The following NELL1 variants were observed in gnomAD, a reference collection of about 807,000 sequenced individuals.
The protein encoded by NELL1 is protein kinase C-binding protein NELL1.
In NELL1, 76 loss-of-function variants were observed where a neutral mutation model predicts 107.4. That is an observed-to-expected ratio of 0.71 (90% CI 0.59 to 0.86). The LOEUF (loss-of-function observed/expected upper bound fraction) is 0.86, where lower values mean the gene tolerates loss of function less well. Among genes scored for constraint, NELL1 ranks in the 40% least tolerant of loss-of-function variants. The pLI is 0.00. For missense variants in NELL1, 1,024 were observed against 1,005.5 expected (o/e 1.02, Z -0.25); for synonymous variants, 353 against 341.2 (o/e 1.03, Z -0.38).
At chr11:20,799,776 A>G (rs1016039083) in intron 3 of NELL1, among the ~76,000 whole-genome samples, 14 of 152,176 alleles carry the variant, frequency 9.2e-5, no homozygotes, top group Non-Finnish European at 1.3e-4. Context: ...GATATGAATG[A>G]CTTTGGGATA....
chr11:21,163,927 C>T (rs75851395), intron 13 of NELL1, among the ~76,000 whole-genome samples: 1 of 152,012 alleles, frequency 6.6e-6, no homozygotes, highest in African/African-American at 2.4e-5. Context: ...GATGCAGTCT[C>T]TAACATTCAT....
chr11:20,768,758 G>A (rs1294803342), intron 2 of NELL1, among the ~76,000 whole-genome samples: 2 of 152,154 alleles, frequency 1.3e-5, no homozygotes, highest in Non-Finnish European at 2.9e-5. Flanking sequence ...AAGAAGACAC[G>A]ACCCAAGGGA....
chr11:21,131,484 CT>C (rs1590664992), intron 13 of NELL1, among the ~76,000 whole-genome samples: 2 of 152,298 alleles, frequency 1.3e-5, no homozygotes, highest in East Asian at 3.9e-4. Context: ...CAGTCATCAT[CT>C]GCAGCAGGAG....
intron 15 of NELL1, among the ~76,000 whole-genome samples, chr11:21,498,771 G>A (rs1285735166): frequency 6.6e-6 from 1 of 151,966 alleles, no homozygotes; most frequent in Admixed American, 6.6e-5. Flanking sequence ...TACCATTGTA[G>A]GAGAGTTGCT....
chr11:21,278,669 T>C (rs1296911212), intron 14 of NELL1, among the ~76,000 whole-genome samples: 1 of 152,186 alleles, frequency 6.6e-6, no homozygotes, highest in Admixed American at 6.5e-5. Context: ...TCCATGTTTA[T>C]GGATAGGAAG....
At chr11:21,163,351 T>C (rs949627384) in intron 13 of NELL1, among the ~76,000 whole-genome samples, 1 of 152,144 alleles carries the variant, frequency 6.6e-6, no homozygotes, top group South Asian at 2.1e-4. Context: ...GGGAAGATGA[T>C]CTAGAGACAG....
chr11:20,946,113 G>A (rs1191171766), intron 10 of NELL1, among the ~76,000 whole-genome samples: 1 of 152,146 alleles, frequency 6.6e-6, no homozygotes, highest in African/African-American at 2.4e-5. Context: ...TTTAAGAATG[G>A]GTATTCCTGA....
chr11:20,710,197 A>G (rs1855076819), intron 2 of NELL1, among the ~76,000 whole-genome samples: 1 of 152,124 alleles, frequency 6.6e-6, no homozygotes, highest in African/African-American at 2.4e-5. Flanking sequence ...TTGTCATAGA[A>G]GGCTTTTATT....
intron 2 of NELL1, among the ~76,000 whole-genome samples, chr11:20,757,602 C>T (rs1053618996): frequency 1.3e-5 from 2 of 152,162 alleles, no homozygotes; most frequent in Non-Finnish European, 2.9e-5. Context: ...GCCTTTATCT[C>T]AGTAAAAATT....
At chr11:21,281,781 T>G (rs1324203247) in intron 14 of NELL1, among the ~76,000 whole-genome samples, 2 of 152,196 alleles carry the variant, frequency 1.3e-5, no homozygotes, top group African/African-American at 4.8e-5. Context: ...CTTCCGGATC[T>G]CATCTAAGAC....
intron 12 of NELL1, among the ~76,000 whole-genome samples, chr11:21,067,304 ATGTCCTAGATTC>A (rs1205842967): frequency 2.6e-5 from 4 of 152,200 alleles, no homozygotes; most frequent in Non-Finnish European, 5.9e-5. Context: ...CTGAAGTCAA[ATGTCCTAGATTC>A]TGACTGCTTG....
intron 15 of NELL1, among the ~76,000 whole-genome samples, chr11:21,381,657 T>C (rs1317218009): frequency 6.6e-6 from 1 of 151,966 alleles, no homozygotes; most frequent in Non-Finnish European, 1.5e-5. Context: ...TATCTTTTGC[T>C]ACTGAAGTCT....
intron 12 of NELL1, among the ~76,000 whole-genome samples, chr11:21,056,943 G>A (rs928454396): frequency 2.6e-5 from 4 of 151,798 alleles, no homozygotes; most frequent in Non-Finnish European, 5.9e-5. Flanking sequence ...TATTATGACA[G>A]TGATTTCCAC....
Position 21,219,770 on chromosome 11 carries a change from C to A in NELL1, c.1427-9562C>A, listed in dbSNP as rs142758877. 3.1e-3 allele frequency among the ~76,000 whole-genome samples: 470 copies of A among 152,244 alleles called. 3 individuals carry two copies. Among genetic ancestry groups the A allele is most frequent in the Middle Eastern group, 0.027 (8 of 294 alleles). ...CAATGTAAGTTGCTGGCACTTTTGT[C>A]AAAAATCAGTTGGCTGTTTTATTAG... is the stretch of plus-strand genomic sequence containing the variant. On this transcript the variant is annotated intron_variant, in intron 13 of 19. Coordinates refer to ENST00000357134, the MANE Select transcript of NELL1 (RefSeq NM_006157.5).
chr11:21,548,239 G>A (rs1225955927), intron 16 of NELL1, among the ~76,000 whole-genome samples: 1 of 151,862 alleles, frequency 6.6e-6, no homozygotes, highest in Non-Finnish European at 1.5e-5. Flanking sequence ...TTAGATAGAG[G>A]CATGATTTAA....
chr11:20,678,198 G>T (rs1345463409), intron 2 of NELL1, 138 bp downstream of exon 2: 10 of 937,268 alleles, frequency 1.1e-5, no homozygotes, highest in Non-Finnish European at 1.7e-5. Flanking sequence ...GTTTAGATAT[G>T]CAGGGGGTAT....
intron 7 of NELL1, among the ~76,000 whole-genome samples, chr11:20,924,975 T>G (rs1337871125): frequency 6.6e-6 from 1 of 152,346 alleles, no homozygotes; most frequent in East Asian, 1.9e-4. Flanking sequence ...GAGTACTGCA[T>G]TGAATCCATG....
At chr11:20,886,483 G>A (rs952714893) in intron 5 of NELL1, among the ~76,000 whole-genome samples, 7 of 151,968 alleles carry the variant, frequency 4.6e-5, no homozygotes, top group Non-Finnish European at 1.0e-4. Context: ...TTAAAATTCA[G>A]CATTGTACTT....
intron 14 of NELL1, among the ~76,000 whole-genome samples, chr11:21,332,639 C>T (rs1339741672): frequency 6.6e-6 from 1 of 151,946 alleles, no homozygotes; most frequent in Non-Finnish European, 1.5e-5. Context: ...ATTTTTGTGG[C>T]TTTGTGTTTT....
Sources: gnomAD v4.1 joint callset for allele counts (sites outside exome capture counted in the v4.1 genomes callset) on GRCh38, gnomAD v4.1.1 for gene constraint, MANE v1.5 for transcripts, NCBI Gene and HGNC (gene_info 2026-07-23, HGNC 2026-07-21) for gene names.